Variants in TRPM3 observed in about 807,000 individuals in gnomAD.
TRPM3 encodes the protein long transient receptor potential channel 3.
Under a neutral mutation model 181.2 loss-of-function variants are expected in TRPM3, and 77 were observed. That is an observed-to-expected ratio of 0.42 (90% CI 0.35 to 0.51). The LOEUF is 0.51. TRPM3 is among the 20% of genes least tolerant of loss of function. TRPM3 has a pLI of 0.01. For missense variants in TRPM3, 1,759 were observed against 2,196.7 expected (o/e 0.80, Z 3.98); for synonymous variants, 745 against 796.4 (o/e 0.94, Z 1.09).
intron 1 of TRPM3, among the ~76,000 whole-genome samples, chr9:71,175,943 G>A (rs1294908364): frequency 1.3e-5 from 2 of 152,088 alleles, no homozygotes; most frequent in African/African-American, 4.8e-5. Context: ...ACTTAGTGAT[G>A]TCATAGCCAT....
At chr9:70,936,166 T>A (rs1038394444) in intron 1 of TRPM3, among the ~76,000 whole-genome samples, 1 of 152,242 alleles carries the variant, frequency 6.6e-6, no homozygotes, top group African/African-American at 2.4e-5. Flanking sequence ...CTTGATTGCA[T>A]AACAAATGTA....
intron 1 of TRPM3, among the ~76,000 whole-genome samples, chr9:70,900,480 C>A (rs182900840): frequency 2.6e-5 from 4 of 152,046 alleles, no homozygotes; most frequent in African/African-American, 9.7e-5. Context: ...TAGACCAGAG[C>A]ATTATAGGAA....
At chr9:70,618,498 G>T (rs1439456377) in intron 17 of TRPM3, among the ~76,000 whole-genome samples, 3 of 152,192 alleles carry the variant, frequency 2.0e-5, no homozygotes, top group Non-Finnish European at 4.4e-5. Flanking sequence ...AGGGCCAGGG[G>T]TTCAGGCACC....
At chr9:70,759,122 A>G (rs1010943591) in intron 8 of TRPM3, among the ~76,000 whole-genome samples, 1 of 152,206 alleles carries the variant, frequency 6.6e-6, no homozygotes, top group Non-Finnish European at 1.5e-5. Flanking sequence ...ACAAAACTTA[A>G]ACACGTTTAC....
intron 1 of TRPM3, among the ~76,000 whole-genome samples, chr9:71,075,793 A>G (rs1301158785): frequency 6.6e-6 from 1 of 152,352 alleles, no homozygotes; most frequent in East Asian, 1.9e-4. Flanking sequence ...AAGGTTTATA[A>G]TAGGATCTTG....
chr9:71,407,669 C>T (rs546873158), intron 1 of TRPM3, among the ~76,000 whole-genome samples: 30 of 152,320 alleles, frequency 2.0e-4, no homozygotes, highest in African/African-American at 7.0e-4. Context: ...GAACAAAAGG[C>T]AGCAGAAACT....
intron 8 of TRPM3, among the ~76,000 whole-genome samples, chr9:70,760,498 C>A (rs1391726789): frequency 1.3e-5 from 2 of 150,036 alleles, no homozygotes; most frequent in Non-Finnish European, 3.0e-5. Flanking sequence ...TGTGCCCCAC[C>A]CGCTCGCTGG....
At chr9:71,185,582 C>T (rs2077628179) in intron 1 of TRPM3, among the ~76,000 whole-genome samples, 1 of 152,082 alleles carries the variant, frequency 6.6e-6, no homozygotes, top group Non-Finnish European at 1.5e-5. Context: ...AACAAAGCTT[C>T]TCCTGGAGCA....
At position 70,698,718 on chromosome 9, in the gene TRPM3, A is replaced by G. The variant is rs559820876; in HGVS notation, c.1273-17140T>C. Among the ~76,000 whole-genome samples, 5 of 152,216 alleles carry G rather than the reference A, an allele frequency of 3.3e-5. No homozygotes were observed. In the South Asian group the frequency reaches 1.0e-3, roughly 32 times the overall value. On this transcript the variant is annotated intron_variant, in intron 8 of 25. Coordinates refer to ENST00000677713, the MANE Select transcript of TRPM3 (RefSeq NM_001366145.2). ...GGATCGTGGGGGCAGAGTTCTCATG[A>G]ATGGTTTAGCACCATCCCCCCTTGG... is the stretch of plus-strand genomic sequence containing the variant.
intron 9 of TRPM3, among the ~76,000 whole-genome samples, chr9:70,667,100 C>T (rs1563909966): frequency 6.6e-6 from 1 of 151,822 alleles, no homozygotes; most frequent in South Asian, 2.1e-4. Context: ...CACTGCATCT[C>T]GCTGTTTATC....
intron 1 of TRPM3, among the ~76,000 whole-genome samples, chr9:71,151,972 G>T (rs2075759984): frequency 6.6e-6 from 1 of 152,104 alleles, no homozygotes; most frequent in Admixed American, 6.6e-5. Flanking sequence ...ACCAGGGAAA[G>T]ATATATCTAC....
rs1012047019 is a variant in TRPM3, at chr9:70,536,826, C to G, written c.4287G>C (p.Leu1429=). The G allele has an allele frequency of 1.9e-6, 3 of 1,613,948 alleles. No homozygotes were observed. Among genetic ancestry groups the G allele is most frequent in the Admixed American group, 1.7e-5 (1 of 59,990 alleles). The change falls in exon 26 of 26, where the codon CTG becomes CTC. Residue 1429 remains leucine, a synonymous_variant. Transcript: ENST00000677713. The stretch of plus-strand genomic sequence containing the variant: ...GCCCAAGGATGTTCACGGAATTGTC[C>G]AGAGGGTCTATATCACAGTGGAGCT... The part of the protein sequence containing the change: ...MDELHCDIDP[L]DNSVNILGLG...
At chr9:71,051,086 G>A (rs750628611) in intron 1 of TRPM3, among the ~76,000 whole-genome samples, 23 of 152,174 alleles carry the variant, frequency 1.5e-4, no homozygotes, top group Non-Finnish European at 3.1e-4. Context: ...AGAGGGAGAT[G>A]ACTGGGCTAA....
Position 71,358,826 on chromosome 9 carries a change from G to A in TRPM3, c.183+87827C>T, listed in dbSNP as rs553481755. On this transcript the variant is annotated intron_variant, in intron 1 of 24. Coordinates refer to the TRPM3 transcript ENST00000357533. ...TAGCTCTGGAAATGTGGTTTTATCC[G>A]TCTGGTTATCAGGGTTTGTAATGCA... Among the ~76,000 whole-genome samples, 97 of 152,250 alleles carry A rather than the reference G, an allele frequency of 6.4e-4. 2 individuals carry two copies. The highest frequency in any genetic ancestry group is 1.9e-3 in the African/African-American group (77 of 41,564).
intron 1 of TRPM3, among the ~76,000 whole-genome samples, chr9:70,872,565 C>A (rs954426738): frequency 6.6e-6 from 1 of 151,978 alleles, no homozygotes; most frequent in Non-Finnish European, 1.5e-5. Context: ...TATTCCTATG[C>A]TTCCCCCTAT....
chr9:71,211,939 G>A lies in TRPM3; in HGVS notation c.183+234714C>T, dbSNP rs531756676. On this transcript the variant is annotated intron_variant, in intron 1 of 24. Transcript: ENST00000357533. The stretch of plus-strand genomic sequence containing the variant: ...CCTTTATACAGTATATAGCTTGAAA[G>A]CCCATTTTATAAACTTACATTTGTA... Among the ~76,000 whole-genome samples, 6 of 152,206 alleles carry A rather than the reference G, an allele frequency of 3.9e-5. No individual in the cohort carries two copies. The South Asian group carries it at 1.2e-3, about 32-fold the overall frequency.
intron 18 of TRPM3, among the ~76,000 whole-genome samples, chr9:70,611,252 ATTAG>A (rs1187847611): frequency 6.6e-6 from 1 of 150,674 alleles, no homozygotes; most frequent in Non-Finnish European, 1.5e-5. Context: ...TGTGCCTGCA[ATTAG>A]TTAGGTTAGT....
chr9:70,955,920 G>A (rs1383645213), intron 1 of TRPM3, among the ~76,000 whole-genome samples: 1 of 152,130 alleles, frequency 6.6e-6, no homozygotes, highest in Non-Finnish European at 1.5e-5. Flanking sequence ...TACTTGGTAT[G>A]CTGAAAAAGT....
chr9:71,208,992 A>T (rs1046202000), intron 1 of TRPM3, among the ~76,000 whole-genome samples: 1 of 152,176 alleles, frequency 6.6e-6, no homozygotes, highest in Non-Finnish European at 1.5e-5. Flanking sequence ...ACTTAAGTGA[A>T]TAGTGAAGTC....
Sources: allele counts gnomAD v4.1 joint callset (sites outside exome capture counted in the v4.1 genomes callset), GRCh38; gene constraint gnomAD v4.1.1; transcripts MANE v1.5; gene names NCBI Gene and HGNC (gene_info 2026-07-23, HGNC 2026-07-21).